Variants in MCM3AP observed in about 807,000 individuals in gnomAD.
The protein encoded by MCM3AP is minichromosome maintenance complex component 3 associated protein.
A neutral mutation model predicts 184.1 loss-of-function variants in MCM3AP; 126 were observed. The ratio of observed to expected loss-of-function variants is 0.68; its 90% CI spans 0.59 to 0.79. MCM3AP has a LOEUF of 0.79. Among genes scored for constraint, MCM3AP ranks in the 30% least tolerant of loss-of-function variants. The probability of loss-of-function intolerance (pLI) is 0.00; values close to 1 mark genes in which losing one functional copy is unlikely to be tolerated. For missense variants in MCM3AP, 2,496 were observed against 2,479.2 expected, an observed-to-expected ratio of 1.01 and a Z score of -0.14; for synonymous variants, 1,002 against 979.3, an observed-to-expected ratio of 1.02 and a Z score of -0.43.
chr21:46,282,824 T>C (rs1226304331), intron 2 of MCM3AP, among the ~76,000 whole-genome samples: 1 of 151,738 alleles, frequency 6.6e-6, no homozygotes, highest in African/African-American at 2.4e-5. Flanking sequence ...AATAAATAAA[T>C]AAAAAGAAAG....
Position 46,265,922 on chromosome 21 carries a change from C to G in MCM3AP, c.3031+3G>C. The G allele has an allele frequency of 6.4e-7, 1 of 1,560,174 alleles. No homozygotes were observed. The highest frequency in any genetic ancestry group is 8.7e-7 in the Non-Finnish European group (1 of 1,148,128). ...CCCTCACTACGACTGCAGCTTCACT[C>G]ACCCACTGTGTCGGAGCCGGGTCTC... On this transcript the variant is annotated splice_donor_region_variant and intron_variant, in intron 11 of 27. Coordinates refer to ENST00000291688, the MANE Select transcript of MCM3AP (RefSeq NM_003906.5).
At chr21:46,245,470 G>A (rs17176863) in intron 22 of MCM3AP, among the ~76,000 whole-genome samples, 1 of 152,292 alleles carries the variant, frequency 6.6e-6, no homozygotes, top group South Asian at 2.1e-4. Context: ...CCATGGAAAG[G>A]CCCAGGCCCT....
chr21:46,280,430 A>G, intron 3 of MCM3AP, 67 bp downstream of exon 3: 7 of 1,153,248 alleles, frequency 6.1e-6, no homozygotes, highest in Non-Finnish European at 8.8e-6. Flanking sequence ...ACATAGCGAG[A>G]TCTCATCTCT....
rs1425054729 is a variant in MCM3AP, at chr21:46,243,553, G to C, written c.5208C>G (p.Val1736=). The change falls in exon 24 of 28, where the codon GTC becomes GTG. Residue 1736 remains valine, a synonymous_variant. Coordinates refer to ENST00000291688, the MANE Select transcript of MCM3AP (RefSeq NM_003906.5). ...TAAGATCATCCCATGGGATCTCCAT[G>C]ACCGAGGGGCCTGCCCCATGGACTG... ...PSPVHGAGPS[V]MEIPWDDLIA... is the part of the protein sequence containing the mutation. 1 of 1,614,198 alleles carries C rather than the reference G, an allele frequency of 6.2e-7. No homozygotes were observed. The highest frequency in any genetic ancestry group is 2.2e-5 in the East Asian group (1 of 44,878).
chr21:46,284,569 A>C lies in MCM3AP; in HGVS notation c.718T>G (p.Ser240Ala). ...CTATTATTAGAACTTCCAAATATTGACTTAGGTCCTCTCTTCTCTTCCTCT... is the reference window on the plus strand; with the variant it reads ...CTATTATTAGAACTTCCAAATATTGCCTTAGGTCCTCTCTTCTCTTCCTCT... ...NVEEEKRGPK[S>A]IFGSSNNSFS... Residue 240 changes from serine (S) to alanine (A), a missense_variant, in exon 1 of 28, where the codon TCA (serine) becomes GCA (alanine). By Grantham distance (99) the Ser-to-Ala change is moderately conservative. Transcript: ENST00000291688. The C allele has an allele frequency of 6.2e-7, 1 of 1,614,196 alleles. No homozygotes were observed. Among genetic ancestry groups the C allele is most frequent in the Non-Finnish European group, 8.5e-7 (1 of 1,180,032 alleles).
chr21:46,242,753 A>G, intron 25 of MCM3AP, 49 bp downstream of exon 25: 1 of 1,562,602 alleles, frequency 6.4e-7, no homozygotes. Context: ...ACTTTGCAAG[A>G]AAAATACAGT....
At position 46,283,681 on chromosome 21, in the gene MCM3AP, A is replaced by T. The variant is rs750963899; in HGVS notation, c.1377T>A (p.Ile459=). Reference sequence around the variant, plus strand: ...TGGTAAAGATGCGCTGCACTTTAGCAATTTTGCCAAAATGGTTCTCCAGAA... The same window carrying T: ...TGGTAAAGATGCGCTGCACTTTAGCTATTTTGCCAAAATGGTTCTCCAGAA... ...RTILENHFGK[I]AKVQRIFTRR... is the part of the protein sequence containing the mutation. Residue 459 remains isoleucine (I), a synonymous_variant, in exon 2 of 28, where the codon ATT becomes ATA. Transcript: ENST00000291688. The T allele has an allele frequency of 6.2e-7, 1 of 1,614,194 alleles. No homozygotes were observed. The highest frequency in any genetic ancestry group is 1.7e-5 in the Admixed American group (1 of 60,020).
chr21:46,275,080 A>ATC, intron 6 of MCM3AP, 106 bp downstream of exon 6: 1 of 1,290,174 alleles, frequency 7.8e-7, no homozygotes, highest in African/African-American at 1.5e-5. Context: ...TAATAGCACA[A>ATC]ATACCCAACA....
intron 24 of MCM3AP, 122 bp from the exon 25 acceptor site, chr21:46,243,053 GC>G: frequency 1.1e-6 from 1 of 894,066 alleles, no homozygotes; most frequent in Non-Finnish European, 1.7e-6. Context: ...GCGACAGGTG[GC>G]ATGTGCTTAA....
chr21:46,261,066 C>T (rs553693246), intron 14 of MCM3AP, among the ~76,000 whole-genome samples, 160 bp from the exon 15 acceptor site: 11 of 152,348 alleles, frequency 7.2e-5, no homozygotes, highest in African/African-American at 2.4e-4. Flanking sequence ...CCTTCCCCTG[C>T]CTTTCCTGGC....
chr21:46,247,484 G>GCAATTCTCCTGCCTCACCCTCCCTAA, intron 20 of MCM3AP, among the ~76,000 whole-genome samples: 1 of 170 alleles, frequency 5.9e-3, no homozygotes, highest in African/African-American at 0.019. Flanking sequence ...CTCCTGGATA[G>GCAATTCTCCTGCCTCACCCTCCCTAA]TAGCTGGGAT....
At position 46,272,669 on chromosome 21, in the gene MCM3AP, A is replaced by G; in HGVS notation, c.2357T>C (p.Leu786Pro). Residue 786 changes from leucine to proline, a missense_variant, in exon 8 of 28, where the codon CTG becomes CCG. Physicochemically the swap from Leu to Pro is moderately conservative, Grantham distance 98 (BLOSUM62 -3). Coordinates refer to ENST00000291688, the MANE Select transcript of MCM3AP (RefSeq NM_003906.5). Reference protein sequence around the residue: ...NENMTKCLQSLKEMYQDLRNK... With the variant: ...NENMTKCLQSPKEMYQDLRNK... ...TCTCAGGTCCTGGTACATCTCCTTC[A>G]GGCTCTGCAGGCACTTGGTCATGTT... The G allele has an allele frequency of 6.2e-7, 1 of 1,614,160 alleles. No individual in the cohort carries two copies. The highest frequency in any genetic ancestry group is 8.5e-7 in the Non-Finnish European group (1 of 1,180,040).
chr21:46,240,753 TCC>T, intron 26 of MCM3AP, 56 bp downstream of exon 26: 2 of 1,466,034 alleles, frequency 1.4e-6, no homozygotes, highest in East Asian at 4.6e-5. Context: ...ATAACCAGTC[TCC>T]CCTCACAGCA....
rs1240036609 is a variant in MCM3AP at position 46,284,122 on chromosome 21, G to C, written c.1165C>G (p.Arg389Gly). 6.2e-7 allele frequency: 1 copy of C among 1,613,882 alleles called. No homozygotes were observed. Among genetic ancestry groups the C allele is most frequent in the Non-Finnish European group, 8.5e-7 (1 of 1,179,954 alleles). ...GGNQSVLAPS[R>G]IPGVNKEEET... is the part of the protein sequence containing the mutation. ...TCCTCTTTATTCACACCTGGAATCC[G>C]GGAAGGTGCCAGGACAGACTGATTC... is the stretch of plus-strand genomic sequence containing the variant. The change falls in exon 1 of 28, where the codon CGG (arginine) becomes GGG (glycine). Residue 389 changes from arginine to glycine, a missense_variant. By Grantham distance (125) the Arg-to-Gly change is moderately radical. This residue lies in a region of MCM3AP where 800 missense variants were observed against 717.1 expected (regional missense o/e 1.12). Coordinates refer to ENST00000291688, the MANE Select transcript of MCM3AP (RefSeq NM_003906.5).
At chr21:46,262,387 C>T (rs1166492287) in intron 13 of MCM3AP, among the ~76,000 whole-genome samples, 2 of 152,164 alleles carry the variant, frequency 1.3e-5, no homozygotes, top group Non-Finnish European at 2.9e-5. Context: ...GTGGCTCATG[C>T]CTGTCATCCC....
chr21:46,279,992 C>T lies in MCM3AP; in HGVS notation c.1667+1G>A. The T allele has an allele frequency of 1.9e-6, 3 of 1,609,990 alleles. No homozygotes were observed. Among genetic ancestry groups the T allele is most frequent in the Non-Finnish European group, 2.5e-6 (3 of 1,178,646 alleles). ...AGGTCATTAGGAGGGACCGATCCCA[C>T]CTTTTATTCAGGAGGCTGCTAGCAC... On this transcript the variant is annotated splice_donor_variant, in intron 4 of 27. Transcript: ENST00000291688. LOFTEE classifies it high-confidence loss of function.
At chr21:46,278,307 T>G (rs1369148278) in intron 4 of MCM3AP, among the ~76,000 whole-genome samples, 1 of 152,214 alleles carries the variant, frequency 6.6e-6, no homozygotes, top group African/African-American at 2.4e-5. Context: ...CAGAAATTAT[T>G]TTGGTAGAAG....
chr21:46,256,071 G>T (rs2080944720), intron 17 of MCM3AP, among the ~76,000 whole-genome samples: 1 of 152,226 alleles, frequency 6.6e-6, no homozygotes, highest in South Asian at 2.1e-4. Context: ...CATGACATGA[G>T]GCCCCAGCGG....
intron 20 of MCM3AP, chr21:46,250,828 G>T (rs1421341683): frequency 1.3e-5 from 2 of 152,224 alleles, no homozygotes; most frequent in Non-Finnish European, 1.5e-5. Context: ...TGCTATGTTA[G>T]GAGTAATTAG....
Sources: allele counts gnomAD v4.1 joint callset (sites outside exome capture counted in the v4.1 genomes callset), GRCh38; gene constraint gnomAD v4.1.1; regional missense constraint gnomAD v4.1.1; transcripts MANE v1.5; gene names NCBI Gene and HGNC (gene_info 2026-07-23, HGNC 2026-07-21).